The following CFAP97D2 variants were observed in gnomAD, a reference collection of about 807,000 sequenced individuals.
CFAP97D2 encodes uncharacterized protein CFAP97D2.
At chr13:114,195,510 C>T (rs926497379) in intron 1 of CFAP97D2, among the ~76,000 whole-genome samples, 4 of 152,166 alleles carry the variant, frequency 2.6e-5, no homozygotes, top group East Asian at 1.9e-4. Flanking sequence ...TCAGGTTATC[C>T]GTGAGCAGGT....
chr13:114,216,135 C>G (rs1219779246), intron 4 of CFAP97D2, among the ~76,000 whole-genome samples: 2 of 152,216 alleles, frequency 1.3e-5, no homozygotes, highest in African/African-American at 2.4e-5. Flanking sequence ...CTTCTGCTGG[C>G]TTTGCCCTTG....
At chr13:114,195,670 T>C (rs2080883664) in intron 1 of CFAP97D2, among the ~76,000 whole-genome samples, 1 of 152,160 alleles carries the variant, frequency 6.6e-6, no homozygotes, top group South Asian at 2.1e-4. Flanking sequence ...AAGTGGAAAC[T>C]TTAGAGATTG....
chr13:114,197,932 G>T (rs779471934), intron 2 of CFAP97D2, among the ~76,000 whole-genome samples: 4 of 151,716 alleles, frequency 2.6e-5, no homozygotes, highest in African/African-American at 9.7e-5. Flanking sequence ...TGATCTGCCC[G>T]CCTCGGCCTC....
intron 3 of CFAP97D2, among the ~76,000 whole-genome samples, chr13:114,208,087 G>A (rs2080949511): frequency 6.6e-6 from 1 of 152,178 alleles, no homozygotes; most frequent in Non-Finnish European, 1.5e-5. Context: ...TTAGACCTGG[G>A]CTTCACGACT....
At position 114,187,669 on chromosome 13, in the gene CFAP97D2, T is replaced by C. The variant is rs929432640; in HGVS notation, c.90+8249T>C. ...CACAATTGGAGACTTCAACACCCCC[T>C]GTCAGAAATGTGCAGATCCAACAAG... On this transcript the variant is annotated intron_variant, in intron 1 of 4. Transcript: ENST00000646158. This position sits in a 1 kb window ranked among gnomAD's most constrained non-coding sequence, Gnocchi z 4.2. 6.6e-6 allele frequency among the ~76,000 whole-genome samples: 1 copy of C among 152,208 alleles called. No homozygotes were observed. Among genetic ancestry groups the C allele is most frequent in the Non-Finnish European group, 1.5e-5 (1 of 68,034 alleles).
In CFAP97D2 at chr13:114,222,510, C is replaced by G. The variant is rs1421461007; in HGVS notation, c.493C>G (p.Leu165Val). 2 of 398,452 alleles carry G rather than the reference C, an allele frequency of 5.0e-6. No homozygotes were observed. Among genetic ancestry groups the G allele is most frequent in the East Asian group, 7.1e-5 (2 of 28,092 alleles). The allele number at this position is 398,452 out of a possible 1,614,324, so 24.7% of individuals were successfully genotyped here. A position where few individuals can be genotyped will look rare whatever the true frequency, so the allele number is the denominator to read the frequency against. ...ATTTTAAATCCAGCAGGAAGTGAAACTGGATTAGCAAGCGCACAGCCAAGC... is the reference window on the plus strand; with the variant it reads ...ATTTTAAATCCAGCAGGAAGTGAAAGTGGATTAGCAAGCGCACAGCCAAGC... Residue 165 changes from leucine to valine, a missense_variant, in exon 5 of 5, where the codon CTG becomes GTG. Coordinates refer to ENST00000646158, the Ensembl canonical transcript of CFAP97D2. This position sits in a 1 kb window ranked among gnomAD's most constrained non-coding sequence, Gnocchi z 4.4.
intron 1 of CFAP97D2, among the ~76,000 whole-genome samples, chr13:114,182,468 C>G (rs541292241): frequency 6.6e-6 from 1 of 151,824 alleles, no homozygotes; most frequent in African/African-American, 2.4e-5. Context: ...TTTTACTAAT[C>G]CACCTCAGCA....
rs1463764127 is a variant in CFAP97D2, at chr13:114,185,392, C to A, written c.90+5972C>A. Among the ~76,000 whole-genome samples the A allele has an allele frequency of 6.6e-6, 1 of 152,170 alleles. No homozygotes were observed. Among genetic ancestry groups the A allele is most frequent in the South Asian group, 2.1e-4 (1 of 4,834 alleles). On this transcript the variant is annotated intron_variant, in intron 1 of 4. Coordinates refer to ENST00000646158, the Ensembl canonical transcript of CFAP97D2. This position sits in a 1 kb window ranked among gnomAD's most constrained non-coding sequence, Gnocchi z 5.2. ...GGGGCCCAGTGGGGACCTGGAACCCCCACCCCGGCTGTGAGGAGGCATGGC... is the reference window on the plus strand; with the variant it reads ...GGGGCCCAGTGGGGACCTGGAACCCACACCCCGGCTGTGAGGAGGCATGGC...
intron 1 of CFAP97D2, among the ~76,000 whole-genome samples, chr13:114,194,585 C>T (rs4321068): frequency 0.054 from 8,198 of 152,088 alleles, 581 homozygotes; most frequent in East Asian, 0.35. Context: ...CTGTTGGGGG[C>T]ACTCATTTCC....
chr13:114,201,702 G>A (rs537672267), intron 3 of CFAP97D2, among the ~76,000 whole-genome samples: 14 of 152,354 alleles, frequency 9.2e-5, no homozygotes, highest in African/African-American at 3.4e-4. Flanking sequence ...AATGCACAAT[G>A]CTGGAGAGAA....
intron 4 of CFAP97D2, among the ~76,000 whole-genome samples, chr13:114,212,692 A>T (rs1007034838): frequency 2.2e-4 from 33 of 152,136 alleles, no homozygotes; most frequent in African/African-American, 7.7e-4. Flanking sequence ...TACTAAAAAA[A>T]ATACAAAAAA....
chr13:114,186,315 G>T lies in CFAP97D2; in HGVS notation c.90+6895G>T, dbSNP rs1487270963. ...TCTACTGAGAGCTGAACACTTGTCA[G>T]GATACCGTGGCTATGGAGAGGAGCT... On this transcript the variant is annotated intron_variant, in intron 1 of 4. Coordinates refer to ENST00000646158, the Ensembl canonical transcript of CFAP97D2. This position sits in a 1 kb window ranked among gnomAD's most constrained non-coding sequence, Gnocchi z 4.3. 2.6e-5 allele frequency among the ~76,000 whole-genome samples: 4 copies of T among 152,196 alleles called. No homozygotes were observed. Among genetic ancestry groups the T allele is most frequent in the Admixed American group, 6.5e-5 (1 of 15,288 alleles).
At chr13:114,216,546 T>C (rs1174729668) in intron 4 of CFAP97D2, among the ~76,000 whole-genome samples, 1 of 152,062 alleles carries the variant, frequency 6.6e-6, no homozygotes, top group East Asian at 1.9e-4. Flanking sequence ...CGGTGTTTGG[T>C]TTTTTGACCT....
At chr13:114,193,636 A>G (rs1395465609) in intron 1 of CFAP97D2, among the ~76,000 whole-genome samples, 1 of 152,250 alleles carries the variant, frequency 6.6e-6, no homozygotes, top group Non-Finnish European at 1.5e-5. Flanking sequence ...GTTGCAGTGG[A>G]TATTAAGTTT....
At chr13:114,208,606 G>A (rs533628451) in intron 3 of CFAP97D2, among the ~76,000 whole-genome samples, 114 of 152,306 alleles carry the variant, frequency 7.5e-4, no homozygotes, top group African/African-American at 2.6e-3. Context: ...TTCTCTTGGT[G>A]ATAAAGTCAT....
chr13:114,183,886 G>T (rs1594512978), intron 1 of CFAP97D2, among the ~76,000 whole-genome samples: 1 of 152,326 alleles, frequency 6.6e-6, no homozygotes, highest in East Asian at 1.9e-4. Context: ...AGTGGCTCAT[G>T]CCTGTAATCC....
chr13:114,208,064 G>A (rs114024856), intron 3 of CFAP97D2, among the ~76,000 whole-genome samples: 448 of 152,238 alleles, frequency 2.9e-3, no homozygotes, highest in African/African-American at 9.6e-3. Context: ...TCACTCTGCC[G>A]TCTCTCCCAG....
chr13:114,211,947 G>C lies in CFAP97D2; in HGVS notation c.326G>C (p.Arg109Thr), dbSNP rs2080968143. The C allele has an allele frequency of 2.5e-6, 1 of 398,634 alleles. No homozygotes were observed. Among genetic ancestry groups the C allele is most frequent in the African/African-American group, 2.1e-5 (1 of 48,642 alleles). The allele number at this position is 398,634 out of a possible 1,614,324, so 24.7% of individuals were successfully genotyped here. ...GGGAAGAGAGAACAGGAACTTCGCA[G>C]AGTGCGGAAGAAAACACGGCCATTC... Residue 109 changes from arginine (R) to threonine (T), a missense_variant, in exon 4 of 5, where the codon AGA becomes ACA. By Grantham distance (71) the Arg-to-Thr change is moderately conservative. Coordinates refer to ENST00000646158, the Ensembl canonical transcript of CFAP97D2. This position sits in a 1 kb window ranked among gnomAD's most constrained non-coding sequence, Gnocchi z 4.2.
intron 2 of CFAP97D2, among the ~76,000 whole-genome samples, chr13:114,198,025 G>C (rs574912408): frequency 2.0e-5 from 3 of 152,036 alleles, no homozygotes; most frequent in African/African-American, 7.2e-5. Context: ...GTCTCGCTCT[G>C]TTGCCTGGCT....
Sources: gnomAD v4.1 joint callset for allele counts (sites outside exome capture counted in the v4.1 genomes callset) on GRCh38, gnomAD v4.1.1 for gene constraint, Gnocchi (gnomAD v3.1) non-coding constraint, MANE v1.5 for transcripts, NCBI Gene and HGNC (gene_info 2026-07-23, HGNC 2026-07-21) for gene names.